CNPY1: variants seen among roughly 807,000 people sequenced by gnomAD.
CNPY1 encodes the protein protein canopy homolog 1.
Under a neutral mutation model 14.4 loss-of-function variants are expected in CNPY1, and 14 were observed. The ratio of observed to expected loss-of-function variants is 0.97; its 90% CI spans 0.64 to 1.52. The LOEUF is 1.52. Ranked by LOEUF, CNPY1 falls within the 40% of genes most tolerant of loss-of-function variation. The probability of loss-of-function intolerance (pLI) is 0.00; values close to 1 mark genes in which losing one functional copy is unlikely to be tolerated. For synonymous variants in CNPY1, 43 were observed against 46.5 expected (o/e 0.92, Z 0.31); for missense variants, 129 against 131.5 (o/e 0.98, Z 0.09).
chr7:155,514,837 T>A (rs1796586036), intron 2 of CNPY1, among the ~76,000 whole-genome samples: 1 of 152,022 alleles, frequency 6.6e-6, no homozygotes, highest in Non-Finnish European at 1.5e-5. Context: ...GAGGTTGCGG[T>A]GAGCCGAGAT....
intron 4 of CNPY1, among the ~76,000 whole-genome samples, chr7:155,504,363 C>T (rs1000853204): frequency 6.6e-6 from 1 of 152,056 alleles, no homozygotes; most frequent in African/African-American, 2.4e-5. Context: ...TTCTTCCCCA[C>T]TTATTTTTGT....
chr7:155,541,073 C>T (rs755854684), intron 2 of CNPY1, among the ~76,000 whole-genome samples: 1 of 152,186 alleles, frequency 6.6e-6, no homozygotes, highest in Non-Finnish European at 1.5e-5. Context: ...GAGGAGCTAC[C>T]GAGTGAAGAC....
intron 2 of CNPY1, among the ~76,000 whole-genome samples, chr7:155,534,313 ACACACATGCACACACACGTGCACAGAGG>A (rs1034073653): frequency 1.3e-5 from 2 of 150,880 alleles, no homozygotes; most frequent in South Asian, 2.1e-4. Context: ...GCATGCACAC[ACACACATGCACACACACGTGCACAGAGG>A]CACACATGCA....
At chr7:155,514,978 G>C (rs904616328) in intron 2 of CNPY1, among the ~76,000 whole-genome samples, 6 of 152,148 alleles carry the variant, frequency 3.9e-5, no homozygotes, top group African/African-American at 1.4e-4. Flanking sequence ...TGGATGATGA[G>C]TCAGGAAATT....
At chr7:155,543,257 C>T (rs940865801) in intron 2 of CNPY1, among the ~76,000 whole-genome samples, 3 of 152,304 alleles carry the variant, frequency 2.0e-5, no homozygotes, top group Non-Finnish European at 4.4e-5. Context: ...AATGGGGGCC[C>T]GAGACCCCTC....
At chr7:155,506,896 A>C in intron 4 of CNPY1, 124 bp downstream of exon 4, 1 of 649,026 alleles carries the variant, frequency 1.5e-6, no homozygotes, top group Non-Finnish European at 2.7e-6. Flanking sequence ...GAGACGGGGG[A>C]TCCTGTGTCA....
chr7:155,513,442 G>A (rs1559547), intron 2 of CNPY1, among the ~76,000 whole-genome samples: 2 of 151,954 alleles, frequency 1.3e-5, no homozygotes, highest in African/African-American at 4.8e-5. Flanking sequence ...AAATGTTTCA[G>A]TACAATTTAC....
Position 155,506,915 on chromosome 7 carries a change from G to A in CNPY1, c.400+105C>T, listed in dbSNP as rs569001982. 42 of 732,838 alleles carry A rather than the reference G, an allele frequency of 5.7e-5. 1 individual carries two copies. The highest frequency in any genetic ancestry group is 5.7e-4 in the South Asian group (38 of 66,402). The allele number at this position is 732,838 out of a possible 1,614,324, so 45.4% of individuals were successfully genotyped here. ...CGGGGGATCCTGTGTCAGAGCCGTG[G>A]ATCGCAGAGGCAGCGAGGCTCGGTC... is the stretch of plus-strand genomic sequence containing the variant. On this transcript the variant is annotated intron_variant, in intron 4 of 4. Transcript: ENST00000636446.
intron 3 of CNPY1, among the ~76,000 whole-genome samples, chr7:155,507,648 G>A (rs1796373452): frequency 6.6e-6 from 1 of 151,984 alleles, no homozygotes; most frequent in Admixed American, 6.6e-5. Context: ...GAACACCCTT[G>A]ACAGTTACTT....
intron 2 of CNPY1, among the ~76,000 whole-genome samples, chr7:155,523,423 C>G (rs1796761611): frequency 6.6e-6 from 1 of 152,158 alleles, no homozygotes; most frequent in Non-Finnish European, 1.5e-5. Context: ...CCCGTAACAT[C>G]TTCATTATTA....
rs926658902 is a variant in CNPY1, at chr7:155,501,439, G to A, written c.*1629C>T. Reference sequence around the variant, plus strand: ...GATTTGGCAACACTTCTACGGTTACGACCGTGAACAGTTTTCACTGAAGCT... The same window carrying A: ...GATTTGGCAACACTTCTACGGTTACAACCGTGAACAGTTTTCACTGAAGCT... On this transcript the variant is annotated 3_prime_UTR_variant, in exon 5 of 5. Coordinates refer to ENST00000636446, the MANE Select transcript of CNPY1 (RefSeq NM_001393663.1). 2 of 152,160 alleles carry A rather than the reference G, an allele frequency of 1.3e-5. No homozygotes were observed. The highest frequency in any genetic ancestry group is 4.8e-5 in the African/African-American group (2 of 41,426). 9.4% of individuals were successfully genotyped at this position (152,160 alleles called of 1,614,324 possible).
chr7:155,508,922 G>T lies in CNPY1; in HGVS notation c.275C>A (p.Ser92Tyr), dbSNP rs1477107913. ...AAATTTCAAAGGTCTGTAAGCATCA[G>T]AATAAAAATACAATTTTTTAAATTC... The part of the protein sequence containing the change: ...YQEFKKLYFY[S>Y]DAYRPLKFAC... The change falls in exon 3 of 5, where the codon TCT becomes TAT. Residue 92 changes from serine (S) to tyrosine (Y), a missense_variant. Ser to Tyr is a moderately radical substitution (Grantham distance 144). Coordinates refer to ENST00000636446, the MANE Select transcript of CNPY1 (RefSeq NM_001393663.1). 3 of 1,613,640 alleles carry T rather than the reference G, an allele frequency of 1.9e-6. No homozygotes were observed. Among genetic ancestry groups the T allele is most frequent in the Non-Finnish European group, 2.5e-6 (3 of 1,179,888 alleles).
intron 2 of CNPY1, among the ~76,000 whole-genome samples, chr7:155,545,329 T>C (rs1290229952): frequency 1.3e-5 from 2 of 152,234 alleles, no homozygotes; most frequent in Admixed American, 1.3e-4. Flanking sequence ...TCACTGCCTC[T>C]GATCCTCAGG....
intron 4 of CNPY1, 96 bp from the exon 5 acceptor site, chr7:155,503,201 G>A (rs1585286040): frequency 1.0e-6 from 1 of 1,002,504 alleles, no homozygotes; most frequent in East Asian, 2.6e-5. Context: ...TCTGGTAGAA[G>A]CATATTTTAA....
intron 2 of CNPY1, among the ~76,000 whole-genome samples, chr7:155,509,571 T>G (rs934143582): frequency 2.0e-5 from 3 of 151,870 alleles, no homozygotes; most frequent in Admixed American, 6.6e-5. Flanking sequence ...CGCGCTCAGC[T>G]GGCTTCAGAT....
rs566910128 is a variant in CNPY1 at position 155,543,735 on chromosome 7, C to T, written c.99+2096G>A. On this transcript the variant is annotated intron_variant, in intron 2 of 4. Transcript: ENST00000636446. ...CTCCAACACGAGGAACCCACCCGCG[C>T]GCCTACAGGGTGCACCATGTTTGCA... Among the ~76,000 whole-genome samples the T allele has an allele frequency of 2.6e-4, 40 of 152,294 alleles. 1 individual carries two copies. The South Asian group carries it at 6.2e-3, about 24-fold the overall frequency.
chr7:155,543,743 G>A (rs1293534009), intron 2 of CNPY1, among the ~76,000 whole-genome samples: 3 of 152,184 alleles, frequency 2.0e-5, no homozygotes, highest in Non-Finnish European at 1.5e-5. Flanking sequence ...CGCGCCTACA[G>A]GGTGCACCAT....
chr7:155,514,561 C>G (rs1796581336), intron 2 of CNPY1, among the ~76,000 whole-genome samples: 1 of 152,208 alleles, frequency 6.6e-6, no homozygotes, highest in Non-Finnish European at 1.5e-5. Flanking sequence ...ACTTGGTCTT[C>G]TGAATACTTG....
chr7:155,514,255 G>A (rs1016403948), intron 2 of CNPY1, among the ~76,000 whole-genome samples: 9 of 152,222 alleles, frequency 5.9e-5, no homozygotes, highest in African/African-American at 2.2e-4. Flanking sequence ...AAAAGAGGAC[G>A]CTTCCGTGAT....
Sources: gnomAD v4.1 joint callset for allele counts (sites outside exome capture counted in the v4.1 genomes callset) on GRCh38, gnomAD v4.1.1 for gene constraint, MANE v1.5 for transcripts, NCBI Gene and HGNC (gene_info 2026-07-23, HGNC 2026-07-21) for gene names.